OR5P3: variants seen among roughly 807,000 people sequenced by gnomAD.
The protein encoded by OR5P3 is olfactory receptor 5P3.
For missense variants in OR5P3, 415 were observed against 375.6 expected (o/e 1.10, Z -0.87); for synonymous variants, 172 against 141.8 (o/e 1.21, Z -1.51).
rs538724779 is a variant in OR5P3 at position 7,824,972 on chromosome 11, C to A, written c.*65G>T. 3.1e-6 allele frequency: 4 copies of A among 1,273,750 alleles called. No homozygotes were observed. The South Asian group carries it at 5.4e-5, about 17-fold the overall frequency. 78.9% of individuals were successfully genotyped at this position (1,273,750 alleles called of 1,614,324 possible). A position where few individuals can be genotyped will look rare whatever the true frequency, so the allele number is the denominator to read the frequency against. On this transcript the variant is annotated 3_prime_UTR_variant, in exon 2 of 2. Transcript: ENST00000641167. Reference sequence around the variant, plus strand: ...CAGATAAATTTTGACCACAAACACTCGGTGTCTTATTATTATTATATATAG... The same window carrying A: ...CAGATAAATTTTGACCACAAACACTAGGTGTCTTATTATTATTATATATAG...
chr11:7,828,763 G>A (rs919386396), intron 1 of OR5P3, among the ~76,000 whole-genome samples: 3 of 152,130 alleles, frequency 2.0e-5, no homozygotes, highest in African/African-American at 4.8e-5. Context: ...GTGACTTCAC[G>A]TAGATCCAAA....
In OR5P3 at chr11:7,825,966, T is replaced by C; in HGVS notation, c.7A>G (p.Thr3Ala). MGTGNDTTVVEFT... is the reference protein window; with the variant it reads MGAGNDTTVVEFT... ...TCTACCACAGTGGTGTCATTTCCAG[T>C]CCCCATCTATATTGGGAATGGTGCC... is the stretch of plus-strand genomic sequence containing the variant. The change falls in exon 2 of 2, where the codon ACT becomes GCT. Residue 3 changes from threonine (T) to alanine (A), a missense_variant. Physicochemically the swap from Thr to Ala is moderately conservative, Grantham distance 58 (BLOSUM62 0). Coordinates refer to ENST00000641167, the MANE Select transcript of OR5P3 (RefSeq NM_153445.2). 6.5e-7 allele frequency: 1 copy of C among 1,531,126 alleles called. No homozygotes were observed. Among genetic ancestry groups the C allele is most frequent in the Non-Finnish European group, 8.9e-7 (1 of 1,124,506 alleles). 94.8% of individuals were successfully genotyped at this position (1,531,126 alleles called of 1,614,324 possible).
rs763359420 is a variant in OR5P3 at position 7,825,930 on chromosome 11, A to G, written c.43T>C (p.Leu15=). ...NDTTVVEFTL[L]GLSEDTTVCA... Reference sequence around the variant, plus strand: ...ACTGTAGTATCCTCAGATAACCCCAAAAGAGTAAACTCTACCACAGTGGTG... The same window carrying G: ...ACTGTAGTATCCTCAGATAACCCCAGAAGAGTAAACTCTACCACAGTGGTG... Residue 15 remains leucine (L), a synonymous_variant, in exon 2 of 2, where the codon TTG becomes CTG. Transcript: ENST00000641167. 5 of 1,594,212 alleles carry G rather than the reference A, an allele frequency of 3.1e-6. No individual in the cohort carries two copies. In the Admixed American group the frequency reaches 6.7e-5, roughly 21 times the overall value.
chr11:7,825,583 C>T lies in OR5P3; in HGVS notation c.390G>A (p.Leu130=), dbSNP rs1297783604. 6.2e-7 allele frequency: 1 copy of T among 1,613,106 alleles called. No individual in the cohort carries two copies. The highest frequency in any genetic ancestry group is 8.5e-7 in the Non-Finnish European group (1 of 1,180,016). Residue 130 remains leucine (L), a synonymous_variant, in exon 2 of 2, where the codon CTG becomes CTA. Transcript: ENST00000641167. ...YDRYVAICSP[L]LYSTCMSPGV... ...CAGGGGACATGCAGGTAGAGTAGAG[C>T]AGGGGTGAGCAGATGGCCACATAGC...
At position 7,827,652 on chromosome 11, in the gene OR5P3, A is replaced by T. The variant is rs868243131; in HGVS notation, c.-21-1659T>A. 4.6e-5 allele frequency among the ~76,000 whole-genome samples: 7 copies of T among 152,324 alleles called. No homozygotes were observed. In the Middle Eastern group the frequency reaches 0.01, roughly 222 times the overall value. On this transcript the variant is annotated intron_variant, in intron 1 of 1. Transcript: ENST00000641167. ...CAAGGATTGAAAATTTGCTATAATT[A>T]TTCTACCAGTGAAAACAAGCAGGAA...
Position 7,825,911 on chromosome 11 carries a change from G to C in OR5P3, c.62C>G (p.Thr21Ser). The C allele has an allele frequency of 6.2e-7, 1 of 1,605,320 alleles. No individual in the cohort carries two copies. The highest frequency in any genetic ancestry group is 8.5e-7 in the Non-Finnish European group (1 of 1,174,126). ...AAGAAATAAAATAGCACAAACTGTA[G>C]TATCCTCAGATAACCCCAAAAGAGT... ...EFTLLGLSEDTTVCAILFLVF... is the reference protein window; with the variant it reads ...EFTLLGLSEDSTVCAILFLVF... Residue 21 changes from threonine (T) to serine (S), a missense_variant, in exon 2 of 2, where the codon ACT (threonine) becomes AGT (serine). By Grantham distance (58) the Thr-to-Ser change is moderately conservative. Transcript: ENST00000641167.
In OR5P3 at chr11:7,825,996, G is replaced by T; in HGVS notation, c.-21-3C>A. 1 of 1,244,576 alleles carries T rather than the reference G, an allele frequency of 8.0e-7. No individual in the cohort carries two copies. Among genetic ancestry groups the T allele is most frequent in the Non-Finnish European group, 1.1e-6 (1 of 890,740 alleles). 77.1% of individuals were successfully genotyped at this position (1,244,576 alleles called of 1,614,324 possible). On this transcript the variant is annotated splice_region_variant and splice_polypyrimidine_tract_variant and intron_variant, in intron 1 of 1. Transcript: ENST00000641167. ...ATCTATATTGGGAATGGTGCCAACT[G>T]AAAGAAAAACAAATGAATATTATAA...
Position 7,825,418 on chromosome 11 carries a change from C to CA in OR5P3, c.554dup (p.Leu185PhefsTer8). 6.2e-7 allele frequency: 1 copy of CA among 1,613,194 alleles called. No homozygotes were observed. Among genetic ancestry groups the CA allele is most frequent in the Non-Finnish European group, 8.5e-7 (1 of 1,180,020 alleles). On this transcript the variant is annotated frameshift_variant, in exon 2 of 2. Coordinates refer to ENST00000641167, the MANE Select transcript of OR5P3 (RefSeq NM_153445.2). LOFTEE classifies it low-confidence loss of function (END_TRUNC). ...TAAAATCATGGGAACAAGCAAGCTTCAAAAGTGGTGAATAGTCACAGAAAA... is the reference window on the plus strand; with the variant it reads ...TAAAATCATGGGAACAAGCAAGCTTCAAAAAGTGGTGAATAGTCACAGAAAA...
chr11:7,828,797 C>T (rs888073515), intron 1 of OR5P3, among the ~76,000 whole-genome samples: 1 of 152,116 alleles, frequency 6.6e-6, no homozygotes, highest in African/African-American at 2.4e-5. Flanking sequence ...GTCATGGTTA[C>T]TTTTATGGAG....
rs576541221 is a variant in OR5P3 at position 7,827,856 on chromosome 11, C to T, written c.-21-1863G>A. On this transcript the variant is annotated intron_variant, in intron 1 of 1. Transcript: ENST00000641167. ...AACTAAGAAGCCAAAATGTTGAAAGCAACCTCTATGTGGAGGTATTAAAGC... is the reference window on the plus strand; with the variant it reads ...AACTAAGAAGCCAAAATGTTGAAAGTAACCTCTATGTGGAGGTATTAAAGC... 4.6e-5 allele frequency among the ~76,000 whole-genome samples: 7 copies of T among 152,242 alleles called. No homozygotes were observed. In the Middle Eastern group the frequency reaches 0.01, roughly 222 times the overall value.
At chr11:7,829,903 C>T in intron 1 of OR5P3, among the ~76,000 whole-genome samples, 1 of 152,128 alleles carries the variant, frequency 6.6e-6, no homozygotes, top group East Asian at 1.9e-4. Context: ...TTTTATTTCA[C>T]ATGTCAACAA....
At position 7,825,737 on chromosome 11, in the gene OR5P3, G is replaced by A; in HGVS notation, c.236C>T (p.Pro79Leu). ...CCTTAGGAAGCTCATGAGCATGACAGGTGTGACTGATGAGGAGTACCCAAT... is the reference window on the plus strand; with the variant it reads ...CCTTAGGAAGCTCATGAGCATGACAAGTGTGACTGATGAGGAGTACCCAAT... The part of the protein sequence containing the change: ...VDIGYSSSVT[P>L]VMLMSFLRKE... Residue 79 changes from proline to leucine, a missense_variant, in exon 2 of 2, where the codon CCT becomes CTT. By Grantham distance (98) the Pro-to-Leu change is moderately conservative (BLOSUM62 -3). Transcript: ENST00000641167. 3 of 1,613,246 alleles carry A rather than the reference G, an allele frequency of 1.9e-6. No homozygotes were observed. Among genetic ancestry groups the A allele is most frequent in the Non-Finnish European group, 2.5e-6 (3 of 1,180,026 alleles).
Position 7,824,824 on chromosome 11 carries a change from A to C in OR5P3, c.*213T>G. The C allele has an allele frequency of 6.1e-6, 2 of 328,548 alleles. No individual in the cohort carries two copies. The highest frequency in any genetic ancestry group is 1.1e-5 in the Non-Finnish European group (2 of 187,202). 20.4% of individuals were successfully genotyped at this position (328,548 alleles called of 1,614,324 possible). A position where few individuals can be genotyped will look rare whatever the true frequency, so the allele number is the denominator to read the frequency against. ...TTCATGTGAAACTATTTGCATTCTC[A>C]ATTATAAATTTAATTAAATTTTATT... On this transcript the variant is annotated 3_prime_UTR_variant, in exon 2 of 2. Transcript: ENST00000641167.
chr11:7,825,646 C>G lies in OR5P3; in HGVS notation c.327G>C (p.Thr109=). ...AQLCSVVTFG[T]AECFLLAAMA... is the part of the protein sequence containing the mutation. ...TGGCAGCCAGCAGGAAGCACTCGGC[C>G]GTACCAAACGTCACTACAGAACAGA... Residue 109 remains threonine (T), a synonymous_variant, in exon 2 of 2, where the codon ACG becomes ACC. Transcript: ENST00000641167. 1.2e-6 allele frequency: 2 copies of G among 1,613,028 alleles called. No homozygotes were observed. The highest frequency in any genetic ancestry group is 2.2e-5 in the South Asian group (2 of 91,082).
At position 7,830,441 on chromosome 11, in the gene OR5P3, A is replaced by T. The variant is rs531153608; in HGVS notation, c.-22+383T>A. Among the ~76,000 whole-genome samples, 183 of 152,318 alleles carry T rather than the reference A, an allele frequency of 1.2e-3. 1 individual carries two copies. Among genetic ancestry groups the T allele is most frequent in the African/African-American group, 4.2e-3 (174 of 41,582 alleles). ...AGAATGAATGAATGCTTAAAATTTT[A>T]GAAAAGATAGATGTGTATAATAGAA... On this transcript the variant is annotated intron_variant, in intron 1 of 1. Transcript: ENST00000641167.
intron 1 of OR5P3, among the ~76,000 whole-genome samples, chr11:7,829,903 CAT>C (rs1175154637): frequency 4.6e-5 from 7 of 152,128 alleles, no homozygotes; most frequent in Admixed American, 4.6e-4. Context: ...TTTTATTTCA[CAT>C]GTCAACAATT....
intron 1 of OR5P3, 129 bp from the exon 2 acceptor site, chr11:7,826,122 T>G: frequency 1.7e-6 from 1 of 576,770 alleles, no homozygotes; most frequent in South Asian, 2.5e-5. Flanking sequence ...AGAAAATGCT[T>G]TCACACACAG....
intron 1 of OR5P3, among the ~76,000 whole-genome samples, chr11:7,828,424 G>A (rs983120519): frequency 1.3e-5 from 2 of 152,192 alleles, no homozygotes; most frequent in African/African-American, 4.8e-5. Context: ...TTCTGAGAGA[G>A]AGAGTACAGA....
At position 7,825,217 on chromosome 11, in the gene OR5P3, A is replaced by G. The variant is rs764878582; in HGVS notation, c.756T>C (p.Tyr252=). The change falls in exon 2 of 2, where the codon TAT becomes TAC. Residue 252 remains tyrosine, a synonymous_variant. Transcript: ENST00000641167. ...TSHLTAVTLF[Y]GTITFIYVMP... is the part of the protein sequence containing the mutation. ...TCACATAAATGAAGGTAATGGTCCC[A>G]TAGAACAGAGTGACTGCAGTGAGGT... is the stretch of plus-strand genomic sequence containing the variant. 2.7e-5 allele frequency: 43 copies of G among 1,612,794 alleles called. No homozygotes were observed. Among genetic ancestry groups the G allele is most frequent in the Non-Finnish European group, 3.5e-5 (41 of 1,180,034 alleles).
Sources: gnomAD v4.1 joint callset for allele counts (sites outside exome capture counted in the v4.1 genomes callset) on GRCh38, gnomAD v4.1.1 for gene constraint, MANE v1.5 for transcripts, NCBI Gene and HGNC (gene_info 2026-07-23, HGNC 2026-07-21) for gene names.